UGGT2: variants seen among roughly 807,000 people sequenced by gnomAD.
UGGT2 encodes the protein UDP-glucose:glycoprotein glucosyltransferase 2.
In UGGT2, 180 loss-of-function variants were observed where a neutral mutation model predicts 192.1. The ratio of observed to expected loss-of-function variants is 0.94; its 90% CI spans 0.83 to 1.06. The LOEUF (loss-of-function observed/expected upper bound fraction) is 1.06, where lower values mean the gene tolerates loss of function less well. UGGT2 is among the 50% of genes least tolerant of loss of function. The pLI, the probability that UGGT2 is intolerant of heterozygous loss-of-function variation, is 0.00. For missense variants in UGGT2, 1,849 were observed against 1,795.7 expected (o/e 1.03, Z -0.54); for synonymous variants, 580 against 591.0 (o/e 0.98, Z 0.27).
At chr13:96,007,512 A>G (rs2052019346) in intron 5 of UGGT2, among the ~76,000 whole-genome samples, 1 of 152,166 alleles carries the variant, frequency 6.6e-6, no homozygotes, top group Non-Finnish European at 1.5e-5. Context: ...AAGTAAAATT[A>G]CCCTGGTTTG....
chr13:95,845,883 C>T lies in UGGT2; in HGVS notation c.4284+7660G>A, dbSNP rs1428042049. On this transcript the variant is annotated intron_variant, in intron 36 of 38. Transcript: ENST00000376747. ...CAGATGATGGGCGGCCGGGCAGAGA[C>T]GCTCCTCACTTCCTAGACGGGATGA... Among the ~76,000 whole-genome samples the T allele has an allele frequency of 4.3e-4, 66 of 151,918 alleles. 1 individual carries two copies. Among genetic ancestry groups the T allele is most frequent in the African/African-American group, 1.4e-3 (58 of 41,428 alleles).
chr13:95,901,022 A>T, intron 21 of UGGT2, 84 bp from the exon 22 acceptor site: 1 of 987,796 alleles, frequency 1.0e-6, no homozygotes, highest in East Asian at 3.4e-5. Context: ...TAATATTAGT[A>T]TAAAATTTTA....
chr13:95,816,959 T>C (rs1884961879), intron 38 of UGGT2, among the ~76,000 whole-genome samples: 1 of 151,872 alleles, frequency 6.6e-6, no homozygotes, highest in African/African-American at 2.4e-5. Context: ...AAACCCCCTC[T>C]CTACTAAAAA....
At chr13:95,977,945 G>T (rs1431060060) in intron 10 of UGGT2, among the ~76,000 whole-genome samples, 2 of 152,128 alleles carry the variant, frequency 1.3e-5, no homozygotes, top group Non-Finnish European at 2.9e-5. Flanking sequence ...CATAGGAACA[G>T]AAAGTGAAAC....
intron 5 of UGGT2, among the ~76,000 whole-genome samples, chr13:96,007,513 C>A (rs1002079134): frequency 1.3e-5 from 2 of 152,090 alleles, no homozygotes; most frequent in African/African-American, 4.8e-5. Flanking sequence ...AGTAAAATTA[C>A]CCTGGTTTGC....
chr13:95,817,677 A>T (rs568891089), intron 38 of UGGT2, among the ~76,000 whole-genome samples: 10 of 152,206 alleles, frequency 6.6e-5, no homozygotes, highest in Non-Finnish European at 1.5e-4. Context: ...GGCTGAAGAC[A>T]TGCAAAAGCA....
intron 29 of UGGT2, among the ~76,000 whole-genome samples, chr13:95,870,374 T>G (rs1473087832): frequency 3.9e-5 from 6 of 152,200 alleles, no homozygotes; most frequent in Non-Finnish European, 8.8e-5. Flanking sequence ...GATAGATACA[T>G]TTGCATGTTA....
chr13:95,914,208 G>C (rs559142222), intron 20 of UGGT2, among the ~76,000 whole-genome samples: 1 of 151,308 alleles, frequency 6.6e-6, no homozygotes, highest in East Asian at 2.0e-4. Context: ...TATCAAACCT[G>C]CATGTTGTGC....
Position 95,927,983 on chromosome 13 carries a change from T to G in UGGT2, c.1978-647A>C, listed in dbSNP as rs1306937649. Among the ~76,000 whole-genome samples, 6 of 152,098 alleles carry G rather than the reference T, an allele frequency of 3.9e-5. No homozygotes were observed. In the East Asian group the frequency reaches 7.7e-4, roughly 20 times the overall value. ...GTTTCAGAGAGCACGGGGTTGGGGG[T>G]AAGGTTATAGATTAACAGCATCCCA... On this transcript the variant is annotated intron_variant, in intron 17 of 38. Coordinates refer to ENST00000376747, the MANE Select transcript of UGGT2 (RefSeq NM_020121.4).
Position 95,983,820 on chromosome 13 carries a change from A to G in UGGT2, c.1076T>C (p.Ile359Thr). ...IAVNQHMREE[I>T]KENQKDLQVR... ...CAAACAAACCTTTTGATTTTCCTTT[A>G]TTTCTTCTCTCATATGTTGATTTAC... The change falls in exon 10 of 39, where the codon ATA (isoleucine) becomes ACA (threonine). Residue 359 changes from isoleucine (I) to threonine (T), a missense_variant. Physicochemically the swap from Ile to Thr is moderately conservative, Grantham distance 89. Transcript: ENST00000376747. 6.4e-7 allele frequency: 1 copy of G among 1,566,792 alleles called. No individual in the cohort carries two copies. The highest frequency in any genetic ancestry group is 8.7e-7 in the Non-Finnish European group (1 of 1,155,496).
chr13:96,014,257 T>C (rs2052257108), intron 4 of UGGT2, among the ~76,000 whole-genome samples: 1 of 152,162 alleles, frequency 6.6e-6, no homozygotes, highest in Non-Finnish European at 1.5e-5. Context: ...AACCTTTTAT[T>C]TAGTGAATTC....
At chr13:96,003,015 A>C (rs1442009248) in intron 5 of UGGT2, among the ~76,000 whole-genome samples, 1 of 152,184 alleles carries the variant, frequency 6.6e-6, no homozygotes, top group Non-Finnish European at 1.5e-5. Context: ...AGAGTTCCTT[A>C]GCTGCGGTGC....
At chr13:95,890,307 T>C (rs1024045911) in intron 25 of UGGT2, among the ~76,000 whole-genome samples, 1 of 152,114 alleles carries the variant, frequency 6.6e-6, no homozygotes, top group Non-Finnish European at 1.5e-5. Flanking sequence ...ACACCACAGA[T>C]GGAGTGGTTT....
At chr13:95,802,798 G>C (rs1169159146) in intron 38 of UGGT2, among the ~76,000 whole-genome samples, 1 of 151,380 alleles carries the variant, frequency 6.6e-6, no homozygotes, top group African/African-American at 2.4e-5. Context: ...TGACAGCCTG[G>C]TATTAGCTAT....
chr13:96,015,995 C>T, intron 4 of UGGT2, among the ~76,000 whole-genome samples: 1 of 152,164 alleles, frequency 6.6e-6, no homozygotes. Flanking sequence ...TAGCAAATAA[C>T]TTGGCTGCAT....
chr13:96,048,133 T>C (rs2053374045), intron 1 of UGGT2, among the ~76,000 whole-genome samples: 1 of 152,202 alleles, frequency 6.6e-6, no homozygotes, highest in Non-Finnish European at 1.5e-5. Flanking sequence ...TATAACATAC[T>C]GTCTCTCAGA....
chr13:95,843,931 G>C (rs1888127038), intron 36 of UGGT2, among the ~76,000 whole-genome samples: 1 of 151,962 alleles, frequency 6.6e-6, no homozygotes, highest in Non-Finnish European at 1.5e-5. Flanking sequence ...TTTCAAAGTT[G>C]TTTTGGTGAT....
intron 1 of UGGT2, among the ~76,000 whole-genome samples, chr13:96,046,615 G>A (rs2053317958): frequency 6.6e-6 from 1 of 152,238 alleles, no homozygotes; most frequent in South Asian, 2.1e-4. Flanking sequence ...TTGTCAGACA[G>A]TGGGTACAGG....
intron 38 of UGGT2, among the ~76,000 whole-genome samples, chr13:95,817,732 T>C (rs1396947454): frequency 6.6e-6 from 1 of 151,870 alleles, no homozygotes; most frequent in Non-Finnish European, 1.5e-5. Flanking sequence ...TTCTAAAAAA[T>C]AGCAAAGATT....
Sources: gnomAD v4.1 joint callset for allele counts (sites outside exome capture counted in the v4.1 genomes callset) on GRCh38, gnomAD v4.1.1 for gene constraint, MANE v1.5 for transcripts, NCBI Gene and HGNC (gene_info 2026-07-23, HGNC 2026-07-21) for gene names.